Variants in NPAS3 observed in about 807,000 individuals in gnomAD.
NPAS3 encodes neuronal PAS domain-containing protein 3.
A neutral mutation model predicts 73.1 loss-of-function variants in NPAS3; 14 were observed. The ratio of observed to expected loss-of-function variants is 0.19; its 90% CI spans 0.13 to 0.30. The LOEUF (loss-of-function observed/expected upper bound fraction) is 0.30. NPAS3 is among the 10% of genes least tolerant of loss of function. The pLI is 1.00. For synonymous variants in NPAS3, 620 were observed against 541.5 expected (o/e 1.14, Z -2.01); for missense variants, 1,096 against 1,250.0 (o/e 0.88, Z 1.86).
In NPAS3 at chr14:33,566,667, G is replaced by A. The variant is rs145504488; in HGVS notation, c.558+6457G>A. Among the ~76,000 whole-genome samples, 34 of 152,070 alleles carry A rather than the reference G, an allele frequency of 2.2e-4. 1 individual carries two copies. In the East Asian group the frequency reaches 4.5e-3, roughly 20 times the overall value. On this transcript the variant is annotated intron_variant, in intron 5 of 11. Transcript: ENST00000356141. Reference sequence around the variant, plus strand: ...CCCTAATGTTCTCCTATAATGCATCGCCACCTTGAGCAGAGTGGAAAAACC... The same window carrying A: ...CCCTAATGTTCTCCTATAATGCATCACCACCTTGAGCAGAGTGGAAAAACC...
intron 3 of NPAS3, among the ~76,000 whole-genome samples, chr14:33,275,985 C>A (rs2041310155): frequency 6.6e-6 from 1 of 151,992 alleles, no homozygotes; most frequent in South Asian, 2.1e-4. Flanking sequence ...TATGAAAACA[C>A]CAAGGGTACC....
chr14:33,626,138 C>T (rs1386844701), intron 5 of NPAS3, among the ~76,000 whole-genome samples: 1 of 152,142 alleles, frequency 6.6e-6, no homozygotes, highest in East Asian at 1.9e-4. Context: ...GTGCTTTCTC[C>T]CACATCATGT....
intron 4 of NPAS3, among the ~76,000 whole-genome samples, chr14:33,431,565 A>AT (rs2048784370): frequency 6.6e-6 from 1 of 152,170 alleles, no homozygotes; most frequent in South Asian, 2.1e-4. Flanking sequence ...CATCTTAGTG[A>AT]TTATGAAGGA....
chr14:33,800,410 T>TGGCGGTGGC lies in NPAS3; in HGVS notation c.2106_2114dup (p.Gly704_Gly706dup). On this transcript the variant is annotated inframe_insertion, in exon 12 of 12. Coordinates refer to ENST00000356141, the Ensembl canonical transcript of NPAS3. This position sits in a 1 kb window ranked among gnomAD's most constrained non-coding sequence, Gnocchi z 6.5. ...CCCCGCAGGGCGGCGGCGGTGGGGG[T>TGGCGGTGGC]GGCGGTGGCGGGGGGCTGCACGTGG... The TGGCGGTGGC allele has an allele frequency of 6.3e-7, 1 of 1,583,042 alleles. No individual in the cohort carries two copies. Among genetic ancestry groups the TGGCGGTGGC allele is most frequent in the South Asian group, 1.1e-5 (1 of 89,448 alleles).
chr14:33,597,455 GT>G (rs1244596754), intron 5 of NPAS3, among the ~76,000 whole-genome samples: 1 of 152,174 alleles, frequency 6.6e-6, no homozygotes, highest in Admixed American at 6.5e-5. Flanking sequence ...AGTAATTTTC[GT>G]CTAAAGTAAA....
intron 4 of NPAS3, among the ~76,000 whole-genome samples, chr14:33,409,217 G>A (rs552357472): frequency 1.3e-5 from 2 of 152,280 alleles, no homozygotes; most frequent in South Asian, 2.1e-4. Flanking sequence ...GCCCCACTGG[G>A]GGGTTCTGAG....
intron 1 of NPAS3, among the ~76,000 whole-genome samples, chr14:32,953,556 G>T (rs558614162): frequency 1.3e-5 from 2 of 152,222 alleles, no homozygotes; most frequent in South Asian, 2.1e-4. Flanking sequence ...ATTCGAGGGG[G>T]TCTGTTTTCC....
intron 3 of NPAS3, among the ~76,000 whole-genome samples, chr14:33,330,190 C>T (rs1398611534): frequency 6.6e-6 from 1 of 152,086 alleles, no homozygotes; most frequent in Admixed American, 6.6e-5. Context: ...CTGCAGTGAG[C>T]CAAGATCACG....
chr14:33,650,961 G>A (rs2058975845), intron 5 of NPAS3, among the ~76,000 whole-genome samples: 1 of 152,162 alleles, frequency 6.6e-6, no homozygotes, highest in African/African-American at 2.4e-5. Context: ...ACAAGAAGAG[G>A]GAAAGCAAGG....
At chr14:33,364,640 G>A (rs180679528) in intron 3 of NPAS3, among the ~76,000 whole-genome samples, 411 of 152,200 alleles carry the variant, frequency 2.7e-3, no homozygotes, top group African/African-American at 9.2e-3. Context: ...ATTTCTAGGG[G>A]GTTTGGAGAA....
At chr14:33,396,428 G>A (rs1013385755) in intron 4 of NPAS3, among the ~76,000 whole-genome samples, 4 of 152,140 alleles carry the variant, frequency 2.6e-5, no homozygotes, top group Non-Finnish European at 4.4e-5. Context: ...ATACTACAGC[G>A]TTCTCTATTG....
intron 6 of NPAS3, among the ~76,000 whole-genome samples, chr14:33,732,191 T>C (rs1444381352): frequency 6.6e-6 from 1 of 152,150 alleles, no homozygotes; most frequent in Non-Finnish European, 1.5e-5. Flanking sequence ...CATCTTCTCA[T>C]CCTCTCTTCG....
chr14:33,180,703 G>A (rs2045760613), intron 2 of NPAS3, among the ~76,000 whole-genome samples: 1 of 150,214 alleles, frequency 6.7e-6, no homozygotes, highest in Non-Finnish European at 1.5e-5. Context: ...GGAGGCTGAG[G>A]CAGGAGAATG....
intron 2 of NPAS3, among the ~76,000 whole-genome samples, chr14:33,146,536 G>C (rs2044242620): frequency 6.6e-6 from 1 of 152,158 alleles, no homozygotes; most frequent in African/African-American, 2.4e-5. Flanking sequence ...GGCGCTGGAG[G>C]CTCAGTTATG....
chr14:33,261,468 A>G (rs1437559232), intron 3 of NPAS3, among the ~76,000 whole-genome samples: 1 of 152,118 alleles, frequency 6.6e-6, no homozygotes, highest in Non-Finnish European at 1.5e-5. Flanking sequence ...TCCATTGTAC[A>G]TATATTTAAA....
chr14:33,639,032 A>G (rs1364324070), intron 5 of NPAS3, among the ~76,000 whole-genome samples: 1 of 152,212 alleles, frequency 6.6e-6, no homozygotes, highest in Non-Finnish European at 1.5e-5. Context: ...TCCAAGGCCC[A>G]TCTAATGTAA....
chr14:33,572,214 C>G (rs985868404), intron 5 of NPAS3, among the ~76,000 whole-genome samples: 5 of 152,050 alleles, frequency 3.3e-5, no homozygotes, highest in African/African-American at 1.2e-4. Flanking sequence ...ATTCCTGGTG[C>G]CTTTTCTGTG....
intron 4 of NPAS3, among the ~76,000 whole-genome samples, chr14:33,542,764 C>T (rs1022296751): frequency 6.6e-6 from 1 of 152,186 alleles, no homozygotes; most frequent in African/African-American, 2.4e-5. Flanking sequence ...ACACGTTTGC[C>T]TGAGTGCGCA....
chr14:33,103,638 A>G (rs1480283884), intron 2 of NPAS3, among the ~76,000 whole-genome samples: 1 of 152,124 alleles, frequency 6.6e-6, no homozygotes, highest in Non-Finnish European at 1.5e-5. Flanking sequence ...TTTTATTTTG[A>G]GGTCAGTGCT....
Sources: gnomAD v4.1 joint callset for allele counts (sites outside exome capture counted in the v4.1 genomes callset) on GRCh38, gnomAD v4.1.1 for gene constraint, Gnocchi (gnomAD v3.1) non-coding constraint, MANE v1.5 for transcripts, NCBI Gene and HGNC (gene_info 2026-07-23, HGNC 2026-07-21) for gene names.